The following GALNT11 variants were observed in gnomAD, a reference collection of about 807,000 sequenced individuals.
GALNT11 encodes UDP-GalNAc:polypeptide N-acetylgalactosaminyltransferase 11.
GALNT11 carries 47 observed loss-of-function variants against 72.7 expected under a neutral mutation model. The ratio of observed to expected loss-of-function variants is 0.65; its 90% confidence interval spans 0.51 to 0.82. The LOEUF is 0.82. Among genes scored for constraint, GALNT11 ranks in the 40% least tolerant of loss-of-function variants. The pLI, the probability that GALNT11 is intolerant of heterozygous loss-of-function variation, is 0.00. For synonymous variants in GALNT11, 270 were observed against 286.6 expected, an observed-to-expected ratio of 0.94 and a Z score of 0.58; for missense variants, 677 against 778.4, an observed-to-expected ratio of 0.87 and a Z score of 1.55.
chr7:152,079,329 A>T (rs2085177986), intron 1 of GALNT11: 1 of 152,184 alleles, frequency 6.6e-6, no homozygotes, highest in African/African-American at 2.4e-5. Context: ...TTGGGCATTC[A>T]TTCAAAGTGT....
At chr7:152,038,533 G>A (rs960122069) in intron 1 of GALNT11, among the ~76,000 whole-genome samples, 5 of 152,252 alleles carry the variant, frequency 3.3e-5, no homozygotes, top group Non-Finnish European at 5.9e-5. Flanking sequence ...GCCATCACGA[G>A]CATGTCACAG....
chr7:152,097,070 C>A (rs558801276), intron 2 of GALNT11, among the ~76,000 whole-genome samples: 5 of 152,176 alleles, frequency 3.3e-5, no homozygotes, highest in African/African-American at 9.7e-5. Context: ...TCAAGCCATT[C>A]GCCTGCCTTT....
At chr7:152,072,699 C>G (rs963107259) in intron 1 of GALNT11, among the ~76,000 whole-genome samples, 3 of 152,174 alleles carry the variant, frequency 2.0e-5, no homozygotes, top group Non-Finnish European at 4.4e-5. Flanking sequence ...TCCTCACTGC[C>G]TTTACCTGTT....
At chr7:152,111,550 A>G (rs1349481412) in intron 7 of GALNT11, among the ~76,000 whole-genome samples, 3 of 152,124 alleles carry the variant, frequency 2.0e-5, no homozygotes, top group African/African-American at 7.2e-5. Flanking sequence ...ATTGTACCCA[A>G]CAGGTAGTAC....
intron 1 of GALNT11, among the ~76,000 whole-genome samples, chr7:152,037,608 T>C (rs879838556): frequency 2.0e-5 from 3 of 152,186 alleles, no homozygotes; most frequent in Non-Finnish European, 4.4e-5. Context: ...TAGGATTTTT[T>C]TTTTCTATTT....
Position 152,118,752 on chromosome 7 carries a change from T to C in GALNT11, c.1527T>C (p.Leu509=), listed in dbSNP as rs1459037397. ...RPSQKGGLVV[L]KACDYSDPNQ... is the part of the protein sequence containing the mutation. ...GTCAGAAGGGAGGTCTCGTGGTGCT[T>C]AAGGCCTGTGACTACAGTGACCCAA... Residue 509 remains leucine (L), a synonymous_variant, in exon 10 of 12, where the codon CTT becomes CTC. Transcript: ENST00000430044. 4 of 1,609,982 alleles carry C rather than the reference T, an allele frequency of 2.5e-6. No individual in the cohort carries two copies. In the African/African-American group the frequency reaches 5.4e-5, roughly 22 times the overall value.
intron 1 of GALNT11, among the ~76,000 whole-genome samples, chr7:152,089,963 C>T (rs2085904408): frequency 6.6e-6 from 1 of 152,198 alleles, no homozygotes; most frequent in Non-Finnish European, 1.5e-5. Flanking sequence ...CGTCTGGCCA[C>T]ATGACTCCCG....
At chr7:152,047,904 T>C (rs906368000) in intron 1 of GALNT11, among the ~76,000 whole-genome samples, 2 of 152,036 alleles carry the variant, frequency 1.3e-5, no homozygotes, top group East Asian at 1.9e-4. Flanking sequence ...TCAGTTCGTC[T>C]TTTAGTCTTT....
rs574530211 is a variant in GALNT11 at position 152,074,083 on chromosome 7, T to C, written c.-38-20107T>C. Among the ~76,000 whole-genome samples, 62 of 152,330 alleles carry C rather than the reference T, an allele frequency of 4.1e-4. 2 individuals are homozygous for C. In the South Asian group the frequency reaches 0.013, roughly 31 times the overall value. On this transcript the variant is annotated intron_variant, in intron 1 of 11. Coordinates refer to ENST00000430044, the MANE Select transcript of GALNT11 (RefSeq NM_022087.4). ...ATAGTTTGCTTATATTTTCTCCCAT[T>C]CTATAGGTTGTCTTTTCACTCTGCT...
chr7:152,055,705 C>G (rs1217134597), intron 1 of GALNT11, among the ~76,000 whole-genome samples: 1 of 151,908 alleles, frequency 6.6e-6, no homozygotes, highest in African/African-American at 2.4e-5. Flanking sequence ...AGTATATAAA[C>G]TCAATATTGA....
chr7:152,072,920 T>C (rs543128403), intron 1 of GALNT11, among the ~76,000 whole-genome samples: 123 of 152,294 alleles, frequency 8.1e-4, no homozygotes, highest in African/African-American at 2.9e-3. Flanking sequence ...TAAGGAAACT[T>C]TTTGTCTGAT....
At chr7:152,100,773 GCTGA>G (rs1563071817) in intron 2 of GALNT11, 21 bp from the exon 3 acceptor site, 11 of 1,609,356 alleles carry the variant, frequency 6.8e-6, no homozygotes, top group African/African-American at 2.7e-5. Flanking sequence ...GATTTAATTC[GCTGA>G]CTAACTTCAC....
intron 1 of GALNT11, among the ~76,000 whole-genome samples, chr7:152,075,809 A>G (rs1405948776): frequency 2.0e-5 from 3 of 151,720 alleles, no homozygotes; most frequent in Admixed American, 1.3e-4. Context: ...AAAAAAAAAA[A>G]AAGACACTTT....
intron 1 of GALNT11, among the ~76,000 whole-genome samples, chr7:152,052,177 G>A (rs1338362562): frequency 6.6e-6 from 1 of 152,068 alleles, no homozygotes; most frequent in Non-Finnish European, 1.5e-5. Flanking sequence ...GCTGTAACAT[G>A]CATTATACTT....
At chr7:152,092,840 GT>G (rs918134095) in intron 1 of GALNT11, among the ~76,000 whole-genome samples, 6 of 152,228 alleles carry the variant, frequency 3.9e-5, no homozygotes, top group Non-Finnish European at 7.3e-5. Context: ...TCTGCCATAA[GT>G]CTGTTTACTG....
intron 1 of GALNT11, among the ~76,000 whole-genome samples, chr7:152,092,103 C>T (rs1020517804): frequency 2.6e-5 from 4 of 152,104 alleles, no homozygotes; most frequent in South Asian, 2.1e-4. Context: ...GCAGCCTGTC[C>T]GGTTACACTC....
At chr7:152,119,028 A>G (rs1249358743) in intron 10 of GALNT11, 1 of 323,472 alleles carries the variant, frequency 3.1e-6, no homozygotes, top group Non-Finnish European at 5.6e-6. Flanking sequence ...TAAATGGGTT[A>G]AAAGGAAGAG....
intron 7 of GALNT11, among the ~76,000 whole-genome samples, chr7:152,112,337 A>G (rs1161759202): frequency 6.6e-6 from 1 of 152,142 alleles, no homozygotes; most frequent in African/African-American, 2.4e-5. Context: ...TCAGGAGTTC[A>G]AGACCAGCCT....
chr7:152,120,755 T>TA lies in GALNT11; in HGVS notation c.1558-75dup. 7 of 1,261,140 alleles carry TA rather than the reference T, an allele frequency of 5.6e-6. No individual in the cohort carries two copies. In the South Asian group the frequency reaches 8.6e-5, roughly 16 times the overall value. 78.1% of individuals were successfully genotyped at this position (1,261,140 alleles called of 1,614,324 possible). Reference sequence around the variant, plus strand: ...CTGCTTTGAGACCTTACAGAATCAATATGTGGAAGAATATGCAAAGTGTTG... The same window carrying TA: ...CTGCTTTGAGACCTTACAGAATCAATAATGTGGAAGAATATGCAAAGTGTTG... On this transcript the variant is annotated intron_variant, in intron 10 of 11. Transcript: ENST00000430044.
Sources: gnomAD v4.1 joint callset for allele counts (sites outside exome capture counted in the v4.1 genomes callset) on GRCh38, gnomAD v4.1.1 for gene constraint, MANE v1.5 for transcripts, NCBI Gene and HGNC (gene_info 2026-07-23, HGNC 2026-07-21) for gene names.